Variants in MCPH1 observed in about 807,000 individuals in gnomAD.
MCPH1 encodes the protein microcephalin.
In MCPH1, 104 loss-of-function variants were observed where a neutral mutation model predicts 84.5. The ratio of observed to expected loss-of-function variants is 1.23; its 90% confidence interval spans 1.05 to 1.45. The LOEUF (loss-of-function observed/expected upper bound fraction) is 1.45. MCPH1 is among the 40% of genes most tolerant of loss of function. MCPH1 has a pLI of 0.00. For missense variants in MCPH1, 1,498 were observed against 1,005.7 expected (o/e 1.49, Z -6.62); for synonymous variants, 514 against 366.8 (o/e 1.40, Z -4.58).
chr8:6,606,140 A>G (rs1829756291), intron 12 of MCPH1, among the ~76,000 whole-genome samples: 2 of 152,280 alleles, frequency 1.3e-5, no homozygotes, highest in Non-Finnish European at 2.9e-5. Flanking sequence ...TAAATTGCTA[A>G]GTCCCAAAGT....
In MCPH1 at chr8:6,445,330, A is replaced by G; in HGVS notation, c.1608A>G (p.Lys536=). 6.2e-7 allele frequency: 1 copy of G among 1,614,272 alleles called. No individual in the cohort carries two copies. The highest frequency in any genetic ancestry group is 8.5e-7 in the Non-Finnish European group (1 of 1,180,048). The stretch of plus-strand genomic sequence containing the variant: ...CCATTGAGGACCCTGCTCTTCCAAA[A>G]GGACATGATGATGATTTAACTCCTT... ...SYTIEDPALP[K]GHDDDLTPLE... Residue 536 remains lysine, a synonymous_variant, in exon 8 of 14, where the codon AAA becomes AAG. Coordinates refer to ENST00000344683, the MANE Select transcript of MCPH1 (RefSeq NM_024596.5).
At chr8:6,426,187 A>C (rs1388061555) in intron 3 of MCPH1, among the ~76,000 whole-genome samples, 1 of 152,152 alleles carries the variant, frequency 6.6e-6, no homozygotes, top group Non-Finnish European at 1.5e-5. Context: ...TGTTTTTTTA[A>C]AATCAGCTTT....
chr8:6,546,844 G>A (rs1159789833), intron 12 of MCPH1, among the ~76,000 whole-genome samples: 2 of 152,116 alleles, frequency 1.3e-5, no homozygotes, highest in African/African-American at 2.4e-5. Context: ...ATCGGAAAGC[G>A]AGTAAGTCAA....
intron 12 of MCPH1, among the ~76,000 whole-genome samples, chr8:6,562,118 C>T (rs1228467527): frequency 6.6e-6 from 1 of 152,196 alleles, no homozygotes; most frequent in Non-Finnish European, 1.5e-5. Context: ...AATTTCCTCT[C>T]GTTTACCAAG....
chr8:6,547,200 C>T (rs1479143364), intron 12 of MCPH1, among the ~76,000 whole-genome samples: 1 of 151,912 alleles, frequency 6.6e-6, no homozygotes, highest in Non-Finnish European at 1.5e-5. Flanking sequence ...AGTTTTATAC[C>T]ATTAGATTAT....
At chr8:6,477,558 G>T in intron 9 of MCPH1, 36 bp from the exon 10 acceptor site, 1 of 1,594,324 alleles carries the variant, frequency 6.3e-7, no homozygotes, top group South Asian at 1.1e-5. Flanking sequence ...TTATGTTTTT[G>T]ACTGTTTTTT....
At chr8:6,628,610 G>A (rs1269622862) in intron 13 of MCPH1, among the ~76,000 whole-genome samples, 6 of 152,086 alleles carry the variant, frequency 3.9e-5, no homozygotes, top group Admixed American at 3.9e-4. Flanking sequence ...TGTGGTGGTT[G>A]GTTTGAGAAG....
intron 12 of MCPH1, chr8:6,521,134 C>T (rs1283943276): frequency 6.5e-7 from 1 of 1,545,868 alleles, no homozygotes. Flanking sequence ...GTTTTACTGA[C>T]TAAAGGTTAT....
intron 3 of MCPH1, among the ~76,000 whole-genome samples, chr8:6,424,346 T>G (rs893292697): frequency 1.3e-5 from 2 of 152,116 alleles, no homozygotes; most frequent in African/African-American, 4.8e-5. Context: ...AGGCTGAGAG[T>G]TGGTTGCTGA....
intron 3 of MCPH1, among the ~76,000 whole-genome samples, chr8:6,430,427 A>G (rs1412912201): frequency 1.3e-5 from 2 of 152,230 alleles, no homozygotes; most frequent in Non-Finnish European, 2.9e-5. Flanking sequence ...TTATAAAGAT[A>G]GTATTGACTT....
chr8:6,533,603 A>G (rs1353877702), intron 12 of MCPH1, among the ~76,000 whole-genome samples: 4 of 141,482 alleles, frequency 2.8e-5, no homozygotes, highest in Admixed American at 7.4e-5. Flanking sequence ...AAATAATCTA[A>G]TGATGGGAAC....
chr8:6,634,192 A>G (rs1379442724), intron 13 of MCPH1, among the ~76,000 whole-genome samples: 1 of 152,244 alleles, frequency 6.6e-6, no homozygotes, highest in Non-Finnish European at 1.5e-5. Context: ...TGATCATGAA[A>G]CAAGCGAAGA....
chr8:6,448,168 A>C (rs1434721596), intron 8 of MCPH1, among the ~76,000 whole-genome samples: 1 of 152,250 alleles, frequency 6.6e-6, no homozygotes, highest in Non-Finnish European at 1.5e-5. Context: ...AATGATAAAA[A>C]GAAAAACAAT....
intron 12 of MCPH1, chr8:6,514,581 T>G: frequency 9.6e-7 from 1 of 1,045,470 alleles, no homozygotes; most frequent in Non-Finnish European, 1.5e-6. Flanking sequence ...CAAAAGTCAT[T>G]GGTTAGTTTG....
At chr8:6,473,845 AGAGTTATAATCTTT>A (rs1808084120) in intron 9 of MCPH1, 10 of 1,423,982 alleles carry the variant, frequency 7.0e-6, no homozygotes, top group Non-Finnish European at 6.5e-6. Flanking sequence ...TTATAAGTCA[AGAGTTATAATCTTT>A]GATCCACTGC....
intron 9 of MCPH1, among the ~76,000 whole-genome samples, chr8:6,465,376 G>A (rs1364154328): frequency 6.6e-6 from 1 of 152,160 alleles, no homozygotes; most frequent in Non-Finnish European, 1.5e-5. Flanking sequence ...AAGTGACCCT[G>A]CCACTGCGCT....
chr8:6,465,458 T>C (rs951141240), intron 9 of MCPH1, among the ~76,000 whole-genome samples: 9 of 152,140 alleles, frequency 5.9e-5, no homozygotes, highest in Admixed American at 5.2e-4. Context: ...TCTCTTCCTC[T>C]TACCAGTAAT....
At chr8:6,442,805 G>A (rs150393100) in intron 7 of MCPH1, among the ~76,000 whole-genome samples, 23 of 152,314 alleles carry the variant, frequency 1.5e-4, no homozygotes, top group African/African-American at 5.1e-4. Flanking sequence ...AAGTGCTTGA[G>A]ATGTTATGGA....
At position 6,492,459 on chromosome 8, in the gene MCPH1, C is replaced by A. The variant is rs189892640; in HGVS notation, c.2137-7393C>A. On this transcript the variant is annotated intron_variant, in intron 11 of 13. Coordinates refer to ENST00000344683, the MANE Select transcript of MCPH1 (RefSeq NM_024596.5). ...TCTGATGGTAGTTTCTTTTGCTGTG[C>A]AGAAGCTCTTTAGTTTAATTAGATC... Among the ~76,000 whole-genome samples the A allele has an allele frequency of 8.0e-3, 1,216 of 151,640 alleles. 17 individuals are homozygous for A. The highest frequency in any genetic ancestry group is 0.027 in the African/African-American group (1,132 of 41,456).
Sources: gnomAD v4.1 joint callset for allele counts (sites outside exome capture counted in the v4.1 genomes callset) on GRCh38, gnomAD v4.1.1 for gene constraint, MANE v1.5 for transcripts, NCBI Gene and HGNC (gene_info 2026-07-23, HGNC 2026-07-21) for gene names.